Variants in ITIH3 observed in about 807,000 individuals in gnomAD.
ITIH3 encodes inter-alpha-trypsin inhibitor heavy chain 3, also known as inter-alpha-trypsin inhibitor heavy chain H3.
ITIH3 carries 81 observed loss-of-function variants against 96.5 expected under a neutral mutation model. The ratio of observed to expected loss-of-function variants is 0.84; its 90% confidence interval spans 0.70 to 1.01. The LOEUF is 1.01. Among genes scored for constraint, ITIH3 ranks in the 50% least tolerant of loss-of-function variants. ITIH3 has a pLI of 0.00. For synonymous variants in ITIH3, 422 were observed against 445.2 expected, an observed-to-expected ratio of 0.95 and a Z score of 0.66; for missense variants, 1,057 against 1,139.3, an observed-to-expected ratio of 0.93 and a Z score of 1.04.
At chr3:52,800,373 C>A in intron 9 of ITIH3, 165 bp from the exon 10 acceptor site, 1 of 705,580 alleles carries the variant, frequency 1.4e-6, no homozygotes, top group Non-Finnish European at 2.3e-6. Flanking sequence ...TTTGTTTGTT[C>A]ATGTGGTGGT....
rs1047546309 is a variant in ITIH3 at position 52,806,051 on chromosome 3, G to A, written c.1907-52G>A. On this transcript the variant is annotated intron_variant, in intron 16 of 21. Transcript: ENST00000449956. ...TGAACTCCTATGGGGGTCGTCGGGC[G>A]CCTCCCAGGGCCACTTGCTTAGCTC... The A allele has an allele frequency of 3.8e-5, 59 of 1,571,072 alleles. 1 individual carries two copies. The highest frequency in any genetic ancestry group is 2.1e-4 in the East Asian group (9 of 42,538).
chr3:52,796,934 A>G, intron 4 of ITIH3, 91 bp downstream of exon 4: 3 of 1,177,606 alleles, frequency 2.5e-6, no homozygotes, highest in African/African-American at 1.5e-5. Flanking sequence ...TATTATTGGT[A>G]TAGCAAAATG....
chr3:52,798,040 G>A, intron 6 of ITIH3, 110 bp downstream of exon 6: 1 of 675,910 alleles, frequency 1.5e-6, no homozygotes, highest in East Asian at 2.8e-5. Context: ...ATGTGTTGGG[G>A]TGGGGCTGGG....
rs1700109456 is a variant in ITIH3 at position 52,807,788 on chromosome 3, T to C, written c.2303T>C (p.Phe768Ser). 5.6e-6 allele frequency: 9 copies of C among 1,612,438 alleles called. No homozygotes were observed. The highest frequency in any genetic ancestry group is 7.6e-6 in the Non-Finnish European group (9 of 1,179,354). ...AACAGGAAGAACATGGTGGTCTCCTTTGGAGATGGGGTTACCTTCGTGGTC... is the reference window on the plus strand; with the variant it reads ...AACAGGAAGAACATGGTGGTCTCCTCTGGAGATGGGGTTACCTTCGTGGTC... Reference protein sequence around the residue: ...MINRKNMVVSFGDGVTFVVVL... With the variant: ...MINRKNMVVSSGDGVTFVVVL... The change falls in exon 20 of 22, where the codon TTT (phenylalanine) becomes TCT (serine). Residue 768 changes from phenylalanine to serine, a missense_variant. Phe to Ser is a radical substitution (Grantham distance 155). Transcript: ENST00000449956.
chr3:52,804,101 G>C, intron 14 of ITIH3, 92 bp downstream of exon 14: 1 of 1,373,392 alleles, frequency 7.3e-7, no homozygotes, highest in Non-Finnish European at 1.0e-6. Context: ...AGGCTGGGGA[G>C]ACCCAGACCT....
chr3:52,805,863 C>A, intron 16 of ITIH3, 23 bp downstream of exon 16: 1 of 1,612,998 alleles, frequency 6.2e-7, no homozygotes. Flanking sequence ...TGGCAGCTGC[C>A]ACTCCTCCCA....
intron 1 of ITIH3, 53 bp from the exon 2 acceptor site, chr3:52,795,550 T>C (rs1010613096): frequency 8.8e-6 from 14 of 1,582,454 alleles, no homozygotes; most frequent in Non-Finnish European, 1.2e-5. Context: ...CATGCGGCCT[T>C]GGTGTTGGCC....
At position 52,806,360 on chromosome 3, in the gene ITIH3, T is replaced by G; in HGVS notation, c.2010T>G (p.Asp670Glu). 6.2e-7 allele frequency: 1 copy of G among 1,613,968 alleles called. No individual in the cohort carries two copies. The highest frequency in any genetic ancestry group is 2.2e-5 in the East Asian group (1 of 44,870). ...EKDDALCFNI[D>E]EAPGTVLRLI... The stretch of plus-strand genomic sequence containing the variant: ...ACGATGCCCTCTGCTTCAACATCGA[T>G]GAAGCCCCAGGCACAGTGCTGCGCC... Residue 670 changes from aspartate to glutamate, a missense_variant, in exon 18 of 22, where the codon GAT (aspartate) becomes GAG (glutamate). Asp to Glu is a conservative substitution (Grantham distance 45, BLOSUM62 2). Coordinates refer to ENST00000449956, the MANE Select transcript of ITIH3 (RefSeq NM_002217.4).
chr3:52,799,094 A>C lies in ITIH3; in HGVS notation c.789+3A>C, dbSNP rs1234118032. 2 of 1,613,020 alleles carry C rather than the reference A, an allele frequency of 1.2e-6. No individual in the cohort carries two copies. On this transcript the variant is annotated splice_donor_region_variant and intron_variant, in intron 7 of 21. Coordinates refer to ENST00000449956, the MANE Select transcript of ITIH3 (RefSeq NM_002217.4). The stretch of plus-strand genomic sequence containing the variant: ...GAGAATCTCCTGGCAACGTGCAGGT[A>C]CCCGGGCTGGCTGATTCATCATCAG...
rs372374498 is a variant in ITIH3 at position 52,803,861 on chromosome 3, C to T, written c.1716C>T (p.Asn572=). 7.1e-5 allele frequency: 114 copies of T among 1,613,916 alleles called. No individual in the cohort carries two copies. The highest frequency in any genetic ancestry group is 1.6e-4 in the East Asian group (7 of 44,884). The change falls in exon 14 of 22, where the codon AAC becomes AAT. Residue 572 remains asparagine (N), a synonymous_variant. Coordinates refer to ENST00000449956, the MANE Select transcript of ITIH3 (RefSeq NM_002217.4). ...GACTGGCCCCTCCTCACAGCAAGAACGCCCATGGCGAGGAGAAGGAGAACC... is the reference window on the plus strand; with the variant it reads ...GACTGGCCCCTCCTCACAGCAAGAATGCCCATGGCGAGGAGAAGGAGAACC... ...TIEQLLEKRK[N]AHGEEKENLT... is the part of the protein sequence containing the mutation.
intron 7 of ITIH3, 128 bp downstream of exon 7, chr3:52,799,219 C>A: frequency 7.7e-7 from 1 of 1,292,510 alleles, no homozygotes; most frequent in Non-Finnish European, 1.1e-6. Flanking sequence ...TGTGGGACAG[C>A]TGATGGCCTA....
Position 52,799,362 on chromosome 3 carries a change from C to G in ITIH3, c.790-10C>G. On this transcript the variant is annotated splice_polypyrimidine_tract_variant and intron_variant, in intron 7 of 21. Transcript: ENST00000449956. ...GGACACCGGCCTCCGTCCCTCTCCC[C>G]ACTTTCCAGATAGTCAATGGCTACT... 1 of 1,576,446 alleles carries G rather than the reference C, an allele frequency of 6.3e-7. No homozygotes were observed. The highest frequency in any genetic ancestry group is 1.4e-5 in the African/African-American group (1 of 73,536).
At chr3:52,806,196 G>A in intron 17 of ITIH3, 58 bp downstream of exon 17, 1 of 1,597,558 alleles carries the variant, frequency 6.3e-7, no homozygotes, top group Admixed American at 1.7e-5. Context: ...GCTCCTGCCT[G>A]TCTCGGAGTC....
At position 52,802,332 on chromosome 3, in the gene ITIH3, A is replaced by G. The variant is rs1376767669; in HGVS notation, c.1384-2A>G. On this transcript the variant is annotated splice_acceptor_variant, in intron 11 of 21. Transcript: ENST00000449956. LOFTEE classifies it high-confidence loss of function. ...AGATGACTGGCCCCGTGCGAACTTC[A>G]GGGCTTCTATGAGGAGGTGGCCAAC... 6.2e-7 allele frequency: 1 copy of G among 1,613,588 alleles called. No individual in the cohort carries two copies. Among genetic ancestry groups the G allele is most frequent in the African/African-American group, 1.3e-5 (1 of 75,030 alleles).
chr3:52,802,298 T>TG, intron 11 of ITIH3, 36 bp from the exon 12 acceptor site: 3 of 1,607,852 alleles, frequency 1.9e-6, no homozygotes, highest in Non-Finnish European at 2.6e-6. Flanking sequence ...GAGCCTGACC[T>TG]GGGGCTTGAG....
intron 10 of ITIH3, 92 bp from the exon 11 acceptor site, chr3:52,800,873 T>G: frequency 6.5e-7 from 1 of 1,536,882 alleles, no homozygotes; most frequent in South Asian, 1.2e-5. Flanking sequence ...CCAGCAACTC[T>G]GCATGTGCAG....
chr3:52,802,182 C>G, intron 11 of ITIH3, 152 bp from the exon 12 acceptor site: 1 of 717,066 alleles, frequency 1.4e-6, no homozygotes, highest in Non-Finnish European at 2.2e-6. Flanking sequence ...CGGGGGGAGG[C>G]CCCCACAGAC....
chr3:52,805,588 C>A, intron 15 of ITIH3: 2 of 1,368,492 alleles, frequency 1.5e-6, no homozygotes, highest in South Asian at 3.7e-5. Flanking sequence ...AAAAGCCCTG[C>A]GCCAACGTTA....
At position 52,796,584 on chromosome 3, in the gene ITIH3, C is replaced by T. The variant is rs377495994; in HGVS notation, c.218C>T (p.Thr73Met). The change falls in exon 3 of 22, where the codon ACG becomes ATG. Residue 73 changes from threonine to methionine, a missense_variant. Transcript: ENST00000449956. Reference protein sequence around the residue: ...VTMRAVNRADTAKEVSFDVEL... With the variant: ...VTMRAVNRADMAKEVSFDVEL... ...ATGAGAGCCGTCAACCGTGCAGACACGGCCAAGGAGGTTTCCTTTGATGTG... is the reference window on the plus strand; with the variant it reads ...ATGAGAGCCGTCAACCGTGCAGACATGGCCAAGGAGGTTTCCTTTGATGTG... 4.1e-5 allele frequency: 66 copies of T among 1,613,278 alleles called. No individual in the cohort carries two copies. Among genetic ancestry groups the T allele is most frequent in the African/African-American group, 1.2e-4 (9 of 74,924 alleles).
Sources: gnomAD v4.1 joint callset for allele counts on GRCh38, gnomAD v4.1.1 for gene constraint, MANE v1.5 for transcripts, NCBI Gene and HGNC (gene_info 2026-07-23, HGNC 2026-07-21) for gene names.